Variants in PID1 observed in about 807,000 individuals in gnomAD.
The protein encoded by PID1 is PTB-containing, cubilin and LRP1-interacting protein.
A neutral mutation model predicts 19.1 loss-of-function variants in PID1; 10 were observed. The observed-to-expected ratio is 0.52, with a 90% CI of 0.32 to 0.89. The LOEUF is 0.89. PID1 is among the 40% of genes least tolerant of loss of function. PID1 has a pLI of 0.03. For synonymous variants in PID1, 130 were observed against 116.0 expected (o/e 1.12, Z -0.78); for missense variants, 248 against 285.3 (o/e 0.87, Z 0.94).
At chr2:229,156,601 C>T (rs1046464539) in intron 1 of PID1, among the ~76,000 whole-genome samples, 9 of 152,140 alleles carry the variant, frequency 5.9e-5, no homozygotes, top group African/African-American at 2.2e-4. Context: ...CAGTCTAAGA[C>T]CCCTCTTTCC....
intron 2 of PID1, among the ~76,000 whole-genome samples, chr2:229,034,693 C>G (rs916003028): frequency 6.6e-6 from 1 of 151,920 alleles, no homozygotes; most frequent in Non-Finnish European, 1.5e-5. Flanking sequence ...AATCTGGGAA[C>G]TATTTTCAAT....
At chr2:229,240,588 T>G (rs778534446) in intron 1 of PID1, among the ~76,000 whole-genome samples, 2 of 152,148 alleles carry the variant, frequency 1.3e-5, no homozygotes, top group Non-Finnish European at 2.9e-5. Flanking sequence ...ATATTCATCA[T>G]TGCTGTGTAT....
At chr2:229,203,394 C>G (rs1052468470) in intron 1 of PID1, among the ~76,000 whole-genome samples, 1 of 151,938 alleles carries the variant, frequency 6.6e-6, no homozygotes, top group African/African-American at 2.4e-5. Flanking sequence ...CAACTTTAAG[C>G]GAAACATACA....
intron 1 of PID1, among the ~76,000 whole-genome samples, chr2:229,211,528 A>G (rs1691733324): frequency 6.6e-6 from 1 of 152,136 alleles, no homozygotes. Context: ...TTTGAACATA[A>G]ATTTTGTTAC....
At chr2:229,265,909 G>GT (rs1169208548) in intron 1 of PID1, among the ~76,000 whole-genome samples, 28 of 152,266 alleles carry the variant, frequency 1.8e-4, no homozygotes. Context: ...AGATAACTCA[G>GT]TACAGTCAAC....
In PID1 at chr2:229,122,915, T is replaced by C. The variant is rs1028948718; in HGVS notation, c.177+32903A>G. ...GAACCCGCTGTACAGCATTATAAAC[T>C]ACTGAGCTAGCAAACCCTCCCAGGC... On this transcript the variant is annotated intron_variant, in intron 2 of 2. Transcript: ENST00000392055. Among the ~76,000 whole-genome samples, 17 of 152,124 alleles carry C rather than the reference T, an allele frequency of 1.1e-4. 1 individual carries two copies. Among genetic ancestry groups the C allele is most frequent in the African/African-American group, 3.9e-4 (16 of 41,436 alleles).
At chr2:229,232,129 A>G in intron 1 of PID1, 1 of 1,458,552 alleles carries the variant, frequency 6.9e-7, no homozygotes, top group Non-Finnish European at 9.0e-7. Context: ...ACCACCTCTT[A>G]AAGGTCCCTC....
chr2:229,253,761 C>A (rs751190748), intron 1 of PID1, among the ~76,000 whole-genome samples: 36 of 152,184 alleles, frequency 2.4e-4, no homozygotes, highest in Admixed American at 2.4e-3. Flanking sequence ...ATATGCTCTG[C>A]CCCACATATC....
chr2:229,111,199 G>A (rs149742581), intron 2 of PID1, among the ~76,000 whole-genome samples: 6 of 152,140 alleles, frequency 3.9e-5, no homozygotes, highest in Non-Finnish European at 7.4e-5. Flanking sequence ...ACCCAGTCTC[G>A]AGTATGTCTT....
At chr2:229,029,377 T>A (rs1693497077) in intron 2 of PID1, among the ~76,000 whole-genome samples, 1 of 145,502 alleles carries the variant, frequency 6.9e-6, no homozygotes, top group Non-Finnish European at 1.5e-5. Context: ...AAACCAAAAC[T>A]ACAGTTAAAT....
chr2:229,028,859 C>T (rs1693483010), intron 2 of PID1, among the ~76,000 whole-genome samples: 1 of 152,138 alleles, frequency 6.6e-6, no homozygotes, highest in Admixed American at 6.5e-5. Context: ...ACGAAGTTAC[C>T]CTAGCCATCA....
chr2:229,165,810 A>G (rs1178801289), intron 1 of PID1, among the ~76,000 whole-genome samples: 2 of 152,156 alleles, frequency 1.3e-5, no homozygotes, highest in African/African-American at 4.8e-5. Context: ...GAAGAAGTAA[A>G]ATTGTCTTTA....
At chr2:229,098,552 T>G (rs1434003050) in intron 2 of PID1, among the ~76,000 whole-genome samples, 1 of 152,182 alleles carries the variant, frequency 6.6e-6, no homozygotes, top group Admixed American at 6.6e-5. Context: ...ATAGTCTTTA[T>G]GTTTAAAAAA....
chr2:229,147,956 A>G (rs1469188151), intron 2 of PID1, among the ~76,000 whole-genome samples: 2 of 152,216 alleles, frequency 1.3e-5, no homozygotes, highest in Non-Finnish European at 2.9e-5. Context: ...GAGTCCCTCC[A>G]TGGGACAACA....
intron 1 of PID1, among the ~76,000 whole-genome samples, chr2:229,259,763 A>G (rs991809280): frequency 2.0e-5 from 3 of 152,150 alleles, no homozygotes; most frequent in Non-Finnish European, 4.4e-5. Context: ...GCCCAAGGTA[A>G]TGGTATGAGG....
chr2:229,217,573 G>A (rs547002819), intron 1 of PID1, among the ~76,000 whole-genome samples: 8 of 152,136 alleles, frequency 5.3e-5, no homozygotes, highest in Admixed American at 2.0e-4. Context: ...CTCAAACGCA[G>A]GGCTGGTTGG....
At chr2:229,049,576 C>T (rs904067389) in intron 2 of PID1, among the ~76,000 whole-genome samples, 1 of 152,096 alleles carries the variant, frequency 6.6e-6, no homozygotes, top group Non-Finnish European at 1.5e-5. Flanking sequence ...TTGCATGTCA[C>T]CTAGTAATTT....
At chr2:229,195,770 C>A (rs1219062482) in intron 1 of PID1, among the ~76,000 whole-genome samples, 1 of 151,982 alleles carries the variant, frequency 6.6e-6, no homozygotes, top group African/African-American at 2.4e-5. Flanking sequence ...TATTCCCAGG[C>A]TTTTGCTAAT....
chr2:229,075,471 AAC>A (rs750567975), intron 2 of PID1, among the ~76,000 whole-genome samples: 81 of 152,350 alleles, frequency 5.3e-4, no homozygotes, highest in South Asian at 3.3e-3. Context: ...TATAGAAAAA[AAC>A]AAGACAAACA....
Sources: allele counts gnomAD v4.1 joint callset (sites outside exome capture counted in the v4.1 genomes callset), GRCh38; gene constraint gnomAD v4.1.1; transcripts MANE v1.5; gene names NCBI Gene and HGNC (gene_info 2026-07-23, HGNC 2026-07-21).